Variants in PAK4 observed in about 807,000 individuals in gnomAD.
The protein encoded by PAK4 is serine/threonine-protein kinase PAK 4.
A neutral mutation model predicts 53.5 loss-of-function variants in PAK4; 49 were observed. The observed-to-expected ratio is 0.92, with a 90% confidence interval of 0.73 to 1.16. The LOEUF (loss-of-function observed/expected upper bound fraction) is 1.16, where lower values mean the gene tolerates loss of function less well. Among genes scored for constraint, PAK4 ranks in the 50% most tolerant of loss-of-function variants. PAK4 has a pLI of 0.00. For missense variants in PAK4, 824 were observed against 850.7 expected, an observed-to-expected ratio of 0.97 and a Z score of 0.39; for synonymous variants, 376 against 375.6, an observed-to-expected ratio of 1.00 and a Z score of -0.01.
chr19:39,167,803 G>A (rs954357675), intron 1 of PAK4, among the ~76,000 whole-genome samples: 2 of 152,224 alleles, frequency 1.3e-5, no homozygotes, highest in Admixed American at 6.5e-5. Context: ...AGCCTGAGCC[G>A]GGAGGAGAAG....
intron 6 of PAK4, among the ~76,000 whole-genome samples, chr19:39,176,142 A>G (rs889318577): frequency 6.6e-6 from 1 of 152,182 alleles, no homozygotes; most frequent in Non-Finnish European, 1.5e-5. Context: ...AGTTCCTAAG[A>G]AGGTGTGAGA....
intron 1 of PAK4, among the ~76,000 whole-genome samples, chr19:39,137,232 C>T (rs1424171808): frequency 6.6e-6 from 1 of 152,088 alleles, no homozygotes; most frequent in Non-Finnish European, 1.5e-5. Flanking sequence ...GATAAACAGA[C>T]CCGGTTGCCG....
chr19:39,155,640 G>A (rs150537607), intron 1 of PAK4, among the ~76,000 whole-genome samples: 96 of 152,282 alleles, frequency 6.3e-4, no homozygotes, highest in African/African-American at 2.1e-3. Flanking sequence ...GAGGGGTGCT[G>A]TGGAGCATCT....
At chr19:39,136,334 A>C (rs188945058) in intron 1 of PAK4, 4 of 152,282 alleles carry the variant, frequency 2.6e-5, no homozygotes, top group Admixed American at 2.0e-4. Flanking sequence ...GAAGCTTGCA[A>C]GGTCCCAGGC....
chr19:39,153,805 A>G (rs2074133040), intron 1 of PAK4, among the ~76,000 whole-genome samples: 1 of 150,840 alleles, frequency 6.6e-6, no homozygotes, highest in Non-Finnish European at 1.5e-5. Context: ...CTGGTCTCGA[A>G]CTCCTGGCCT....
rs766236135 is a variant in PAK4 at position 39,178,616 on chromosome 19, G to C, written c.*37G>C. 6.5e-7 allele frequency: 1 copy of C among 1,539,434 alleles called. No individual in the cohort carries two copies. The highest frequency in any genetic ancestry group is 2.3e-5 in the East Asian group (1 of 42,892). On this transcript the variant is annotated 3_prime_UTR_variant, in exon 9 of 9. Coordinates refer to ENST00000358301, the Ensembl canonical transcript of PAK4. This position sits in a 1 kb window ranked among gnomAD's most constrained non-coding sequence, Gnocchi z 4.4. ...CTTCCCCTCAACCAAAGAGCCCCCC[G>C]GGTCACCCCCGCCCCACTGAGGCCA... is the stretch of plus-strand genomic sequence containing the variant.
chr19:39,126,972 A>G (rs747340118), intron 1 of PAK4, among the ~76,000 whole-genome samples: 1 of 152,086 alleles, frequency 6.6e-6, no homozygotes, highest in Non-Finnish European at 1.5e-5. Context: ...GCTGCCAGCC[A>G]TTAGGTCTCT....
In PAK4 at chr19:39,178,999, G is replaced by A. The variant is rs1276687573; in HGVS notation, c.*420G>A. 1 of 154,834 alleles carries A rather than the reference G, an allele frequency of 6.5e-6. No individual in the cohort carries two copies. The highest frequency in any genetic ancestry group is 2.4e-5 in the African/African-American group (1 of 41,460). 9.6% of individuals were successfully genotyped at this position (154,834 alleles called of 1,614,324 possible). On this transcript the variant is annotated 3_prime_UTR_variant, in exon 9 of 9. Transcript: ENST00000358301. This position sits in a 1 kb window ranked among gnomAD's most constrained non-coding sequence, Gnocchi z 4.4. Reference sequence around the variant, plus strand: ...AAAGGTCCAGCCACCCCGTCCTCCAGCCTGCAAGGGGTGTCTGGCGCCTTG... The same window carrying A: ...AAAGGTCCAGCCACCCCGTCCTCCAACCTGCAAGGGGTGTCTGGCGCCTTG...
chr19:39,145,973 C>G (rs1815879058), intron 1 of PAK4, among the ~76,000 whole-genome samples: 1 of 152,248 alleles, frequency 6.6e-6, no homozygotes, highest in African/African-American at 2.4e-5. Flanking sequence ...TGCCCCACCT[C>G]TGTTGGCCTC....
intron 2 of PAK4, among the ~76,000 whole-genome samples, chr19:39,172,547 G>T (rs1255924246): frequency 1.3e-5 from 2 of 152,160 alleles, no homozygotes; most frequent in Non-Finnish European, 2.9e-5. Context: ...CCAGCGCCCT[G>T]TCATTTGCAG....
chr19:39,172,541 C>T (rs558905006), intron 2 of PAK4, among the ~76,000 whole-genome samples: 58 of 152,290 alleles, frequency 3.8e-4, no homozygotes, highest in Non-Finnish European at 7.6e-4. Flanking sequence ...CTGGCCCCAG[C>T]GCCCTGTCAT....
rs1568516346 is a variant in PAK4, at chr19:39,161,892, C to T, written c.-22-7640C>T. Among the ~76,000 whole-genome samples, 4 of 152,092 alleles carry T rather than the reference C, an allele frequency of 2.6e-5. No homozygotes were observed. Among genetic ancestry groups the T allele is most frequent in the Admixed American group, 6.6e-5 (1 of 15,264 alleles). On this transcript the variant is annotated intron_variant, in intron 1 of 8. Coordinates refer to ENST00000358301, the Ensembl canonical transcript of PAK4. This position sits in a 1 kb window ranked among gnomAD's most constrained non-coding sequence, Gnocchi z 4.5. ...TACATGGCTCCCTCTCCCCTCCTCA[C>T]GCAGGTCCCTGCTCACGTGTCCCCT...
chr19:39,152,313 T>C (rs2074105870), intron 1 of PAK4: 1 of 152,142 alleles, frequency 6.6e-6, no homozygotes, highest in African/African-American at 2.4e-5. Context: ...CCATGGTGTA[T>C]GTGCTACCCA....
intron 1 of PAK4, among the ~76,000 whole-genome samples, chr19:39,165,657 G>C (rs930635096): frequency 1.3e-5 from 2 of 152,204 alleles, no homozygotes; most frequent in Non-Finnish European, 1.5e-5. Flanking sequence ...AACCGCCCAG[G>C]TTCAAATCCT....
At chr19:39,165,224 C>T (rs898265773) in intron 1 of PAK4, among the ~76,000 whole-genome samples, 3 of 78,816 alleles carry the variant, frequency 3.8e-5, no homozygotes, top group South Asian at 9.5e-4. Flanking sequence ...ATAATAAGGC[C>T]GGGCGCGGTG....
intron 1 of PAK4, among the ~76,000 whole-genome samples, chr19:39,136,665 A>G (rs1045825881): frequency 1.8e-4 from 27 of 152,154 alleles, no homozygotes; most frequent in African/African-American, 1.7e-4. Flanking sequence ...GCCTCAGGGC[A>G]TGGGGGTAGG....
intron 1 of PAK4, among the ~76,000 whole-genome samples, chr19:39,126,463 C>CGGGGGGGGG (rs1568491815): frequency 3.0e-5 from 2 of 67,022 alleles, no homozygotes; most frequent in African/African-American, 1.2e-4. Flanking sequence ...GGGGGGGGGC[C>CGGGGGGGGG]GGGTCAGAGA....
intron 1 of PAK4, among the ~76,000 whole-genome samples, chr19:39,155,978 C>T (rs1184572180): frequency 1.3e-5 from 2 of 152,006 alleles, no homozygotes; most frequent in Admixed American, 6.5e-5. Context: ...GGTGAGGCGG[C>T]GCCAGCATGG....
At chr19:39,160,841 G>A (rs567876598) in intron 1 of PAK4, among the ~76,000 whole-genome samples, 1 of 152,356 alleles carries the variant, frequency 6.6e-6, no homozygotes, top group South Asian at 2.1e-4. Flanking sequence ...GTCATTGTCA[G>A]GGACATTGTC....
Sources: allele counts gnomAD v4.1 joint callset (sites outside exome capture counted in the v4.1 genomes callset), GRCh38; gene constraint gnomAD v4.1.1; non-coding constraint Gnocchi (gnomAD v3.1); transcripts MANE v1.5; gene names NCBI Gene and HGNC (gene_info 2026-07-23, HGNC 2026-07-21).